The following CACNA1H variants were observed in gnomAD, a reference collection of about 807,000 sequenced individuals.
CACNA1H encodes voltage-dependent T-type calcium channel subunit alpha-1H.
A neutral mutation model predicts 192.5 loss-of-function variants in CACNA1H; 149 were observed. That is an observed-to-expected ratio of 0.77 (90% CI 0.68 to 0.89). The LOEUF is 0.89. Among genes scored for constraint, CACNA1H ranks in the 40% least tolerant of loss-of-function variants. The pLI is 0.00. For synonymous variants in CACNA1H, 2,202 were observed against 1,475.2 expected (o/e 1.49, Z -11.29); for missense variants, 4,257 against 3,423.5 (o/e 1.24, Z -6.08).
intron 2 of CACNA1H, among the ~76,000 whole-genome samples, chr16:1,189,931 C>T (rs867276008): frequency 1.2e-4 from 19 of 152,252 alleles, no homozygotes; most frequent in South Asian, 1.2e-3. Flanking sequence ...TCATCCAGGC[C>T]AGACTCCAGG....
rs774505050 is a variant in CACNA1H at position 1,204,254 on chromosome 16, G to A, written c.2247G>A (p.Thr749=). The A allele has an allele frequency of 9.3e-6, 15 of 1,609,716 alleles. No homozygotes were observed. The highest frequency in any genetic ancestry group is 2.2e-5 in the South Asian group (2 of 90,676). Residue 749 remains threonine (T), a synonymous_variant, in exon 10 of 35, where the codon ACG becomes ACA. Coordinates refer to ENST00000348261, the MANE Select transcript of CACNA1H (RefSeq NM_021098.3). Reference sequence around the variant, plus strand: ...ACCCCACGCGACCACCCCGTGCGACGGACACACCAGGCCCAGGCCCAGGCA... The same window carrying A: ...ACCCCACGCGACCACCCCGTGCGACAGACACACCAGGCCCAGGCCCAGGCA... The part of the protein sequence containing the change: ...RWDPTRPPRA[T]DTPGPGPGSP...
intron 2 of CACNA1H, among the ~76,000 whole-genome samples, chr16:1,185,603 C>A (rs1300338021): frequency 4.3e-4 from 9 of 20,854 alleles, no homozygotes; most frequent in African/African-American, 1.4e-3. Context: ...GGTCAGCGTG[C>A]GTAGGGGCCG....
At chr16:1,204,987 C>T (rs1968497792) in intron 10 of CACNA1H, 127 bp from the exon 11 acceptor site, 1 of 204,700 alleles carries the variant, frequency 4.9e-6, no homozygotes, top group Non-Finnish European at 8.4e-6. Flanking sequence ...GGGTGGGAGC[C>T]GCGGGTGGGG....
At chr16:1,171,927 A>G (rs1964407721) in intron 2 of CACNA1H, among the ~76,000 whole-genome samples, 1 of 152,356 alleles carries the variant, frequency 6.6e-6, no homozygotes, top group African/African-American at 2.4e-5. Context: ...GGGTGGGGGC[A>G]TGTTCACAGG....
intron 2 of CACNA1H, among the ~76,000 whole-genome samples, chr16:1,185,584 T>C (rs375409130): frequency 0.052 from 1,357 of 25,980 alleles, 59 homozygotes; most frequent in Middle Eastern, 0.22. Context: ...CCATGGCGGG[T>C]GAGTAGACGG....
chr16:1,210,165 G>C lies in CACNA1H; in HGVS notation c.3845+30G>C, dbSNP rs753619654. On this transcript the variant is annotated intron_variant, in intron 18 of 34. Transcript: ENST00000348261. Reference sequence around the variant, plus strand: ...GGCGGCCGGGTCAGGAGGCTGCATGGCTAGTTCCACCCCACGGGACCCCCG... The same window carrying C: ...GGCGGCCGGGTCAGGAGGCTGCATGCCTAGTTCCACCCCACGGGACCCCCG... 2.4e-5 allele frequency: 36 copies of C among 1,524,078 alleles called. No homozygotes were observed. The East Asian group carries it at 7.3e-4, about 31-fold the overall frequency. 94.4% of individuals were successfully genotyped at this position (1,524,078 alleles called of 1,614,324 possible). A position where few individuals can be genotyped will look rare whatever the true frequency, so the allele number is the denominator to read the frequency against.
intron 2 of CACNA1H, among the ~76,000 whole-genome samples, chr16:1,157,431 C>T (rs1178449330): frequency 6.6e-6 from 1 of 152,226 alleles, no homozygotes; most frequent in African/African-American, 2.4e-5. Context: ...AGAGCGCTGC[C>T]TGGGTGGGGA....
At chr16:1,187,643 G>A (rs1439104227) in intron 2 of CACNA1H, among the ~76,000 whole-genome samples, 2 of 152,230 alleles carry the variant, frequency 1.3e-5, no homozygotes, top group African/African-American at 4.8e-5. Context: ...ATGTCAGGAT[G>A]CAGCCGAGCA....
intron 12 of CACNA1H, 92 bp from the exon 13 acceptor site, chr16:1,206,909 T>TCCCCCCCCC: frequency 1.7e-5 from 2 of 116,610 alleles, no homozygotes; most frequent in Non-Finnish European, 1.6e-5. Context: ...GTCCTGCCCC[T>TCCCCCCCCC]CCCTCCTCCC....
At chr16:1,200,188 C>A (rs1296098611) in intron 6 of CACNA1H, 68 bp from the exon 7 acceptor site, 10 of 1,301,954 alleles carry the variant, frequency 7.7e-6, no homozygotes, top group Non-Finnish European at 9.6e-6. Context: ...TGATCACAAT[C>A]GTGCCCCCGA....
At chr16:1,218,173 G>A (rs1462854747) in intron 32 of CACNA1H, 37 bp from the exon 33 acceptor site, 3 of 1,539,916 alleles carry the variant, frequency 1.9e-6, no homozygotes, top group Non-Finnish European at 2.6e-6. Flanking sequence ...CCCGCGGGTG[G>A]GTGTGGACCC....
chr16:1,153,934 A>C lies in CACNA1H; in HGVS notation c.197A>C (p.Glu66Ala), dbSNP rs1961917826. Residue 66 changes from glutamate (E) to alanine (A), a missense_variant, in exon 2 of 35, where the codon GAG becomes GCG. Glu to Ala is a moderately radical substitution (Grantham distance 107). Coordinates refer to ENST00000348261, the MANE Select transcript of CACNA1H (RefSeq NM_021098.3). ...CGCGGCGCGGAGCTGGGTGCCGACG[A>C]GGAGCAGCGCGTCCCGTACCCGGCC... ...AERGAELGAD[E>A]EQRVPYPALA... The C allele has an allele frequency of 6.9e-7, 1 of 1,456,062 alleles. No individual in the cohort carries two copies. The highest frequency in any genetic ancestry group is 9.0e-7 in the Non-Finnish European group (1 of 1,104,994). The allele number at this position is 1,456,062 out of a possible 1,614,324, so 90.2% of individuals were successfully genotyped here.
chr16:1,182,351 C>T (rs555109072), intron 2 of CACNA1H, among the ~76,000 whole-genome samples: 1 of 152,284 alleles, frequency 6.6e-6, no homozygotes, highest in Admixed American at 6.5e-5. Flanking sequence ...GTTCCGGCAG[C>T]CGGGAGTGAG....
At chr16:1,215,623 A>G in intron 30 of CACNA1H, 30 bp downstream of exon 30, 2 of 1,587,334 alleles carry the variant, frequency 1.3e-6, no homozygotes, top group Non-Finnish European at 1.7e-6. Flanking sequence ...TCCTCAGCGC[A>G]GGCCCCCGGA....
chr16:1,217,712 C>T (rs1970146117), intron 31 of CACNA1H, among the ~76,000 whole-genome samples: 2 of 152,248 alleles, frequency 1.3e-5, no homozygotes, highest in African/African-American at 2.4e-5. Context: ...AGCCCAGGTG[C>T]GGCAGCAGGG....
At chr16:1,178,356 A>G (rs993055908) in intron 2 of CACNA1H, among the ~76,000 whole-genome samples, 14 of 130,106 alleles carry the variant, frequency 1.1e-4, no homozygotes, top group East Asian at 2.3e-4. Flanking sequence ...CCCCATATTC[A>G]TATCTCAGAG....
chr16:1,192,180 G>A (rs1173586138), intron 2 of CACNA1H, among the ~76,000 whole-genome samples: 1 of 152,222 alleles, frequency 6.6e-6, no homozygotes, highest in Non-Finnish European at 1.5e-5. Context: ...GTCGGGGAGG[G>A]GCACCCAGGC....
chr16:1,217,007 C>T lies in CACNA1H; in HGVS notation c.5320C>T (p.Leu1774=), dbSNP rs1176066976. Residue 1774 remains leucine (L), a synonymous_variant, in exon 31 of 35, where the codon CTG becomes TTG. Transcript: ENST00000348261. The part of the protein sequence containing the change: ...AALGVELFGR[L]ECSEDNPCEG... ...GCTGGGAGTGGAGCTGTTCGGGAGGCTGGGTGAGTGGCTCCTGCGCCCTCC... is the reference window on the plus strand; with the variant it reads ...GCTGGGAGTGGAGCTGTTCGGGAGGTTGGGTGAGTGGCTCCTGCGCCCTCC... 1.9e-6 allele frequency: 3 copies of T among 1,590,934 alleles called. No homozygotes were observed. Among genetic ancestry groups the T allele is most frequent in the Non-Finnish European group, 2.6e-6 (3 of 1,168,732 alleles).
chr16:1,158,778 A>C (rs978437721), intron 2 of CACNA1H, among the ~76,000 whole-genome samples: 1 of 151,870 alleles, frequency 6.6e-6, no homozygotes, highest in Non-Finnish European at 1.5e-5. Flanking sequence ...CTAGTTCCAC[A>C]ACCGCTCCTG....
Sources: allele counts gnomAD v4.1 joint callset (sites outside exome capture counted in the v4.1 genomes callset), GRCh38; gene constraint gnomAD v4.1.1; transcripts MANE v1.5; gene names NCBI Gene and HGNC (gene_info 2026-07-23, HGNC 2026-07-21).